PLCD4: variants seen among roughly 807,000 people sequenced by gnomAD.
The protein encoded by PLCD4 is phospholipase C delta 4, also known as 1-phosphatidylinositol 4,5-bisphosphate phosphodiesterase delta-4.
In PLCD4, 63 loss-of-function variants were observed where a neutral mutation model predicts 90.2. That is an observed-to-expected ratio of 0.70 (90% CI 0.57 to 0.86). The LOEUF (loss-of-function observed/expected upper bound fraction) is 0.86, where lower values mean the gene tolerates loss of function less well. Among genes scored for constraint, PLCD4 ranks in the 40% least tolerant of loss-of-function variants. PLCD4 has a pLI of 0.00. For missense variants in PLCD4, 830 were observed against 956.3 expected (o/e 0.87, Z 1.74); for synonymous variants, 294 against 356.5 (o/e 0.82, Z 1.97).
At chr2:218,621,262 G>A (rs563543989) in intron 4 of PLCD4, among the ~76,000 whole-genome samples, 6 of 152,310 alleles carry the variant, frequency 3.9e-5, no homozygotes, top group African/African-American at 1.4e-4. Flanking sequence ...CAGGCAACAG[G>A]GAGGTCCCTG....
At chr2:218,620,148 G>GA in intron 4 of PLCD4, among the ~76,000 whole-genome samples, 1 of 152,286 alleles carries the variant, frequency 6.6e-6, no homozygotes, top group Non-Finnish European at 1.5e-5. Flanking sequence ...CAAAAGTGCT[G>GA]GGATTAGAGG....
At position 218,634,095 on chromosome 2, in the gene PLCD4, C is replaced by G; in HGVS notation, c.1607-10C>G. The G allele has an allele frequency of 6.2e-7, 1 of 1,602,182 alleles. No homozygotes were observed. The highest frequency in any genetic ancestry group is 8.5e-7 in the Non-Finnish European group (1 of 1,174,360). On this transcript the variant is annotated splice_polypyrimidine_tract_variant and intron_variant, in intron 11 of 15. Coordinates refer to ENST00000450993, the MANE Select transcript of PLCD4 (RefSeq NM_032726.4). The surrounding 1 kb of genome is among the most constrained non-coding windows in gnomAD (Gnocchi z 4.0). Reference sequence around the variant, plus strand: ...CCCACTTCCATCTCCCTCTCTATACCCTTTTACAGGCAATGAGTTTGTGCA... The same window carrying G: ...CCCACTTCCATCTCCCTCTCTATACGCTTTTACAGGCAATGAGTTTGTGCA...
At chr2:218,621,656 A>C in intron 5 of PLCD4, 57 bp downstream of exon 5, 1 of 1,605,746 alleles carries the variant, frequency 6.2e-7, no homozygotes, top group Non-Finnish European at 8.5e-7. Context: ...TCATTTGGCC[A>C]GAAGTCCTCT....
At chr2:218,610,417 A>C (rs1345120388) in intron 1 of PLCD4, among the ~76,000 whole-genome samples, 1 of 152,074 alleles carries the variant, frequency 6.6e-6, no homozygotes, top group Non-Finnish European at 1.5e-5. Context: ...CTGAGGCAGG[A>C]GAATCACTTG....
At chr2:218,616,341 G>A (rs374459954) in intron 3 of PLCD4, among the ~76,000 whole-genome samples, 1 of 152,184 alleles carries the variant, frequency 6.6e-6, no homozygotes, top group East Asian at 1.9e-4. Context: ...ATAAGACCAT[G>A]ATCTTGGGCA....
At chr2:218,630,596 T>C (rs1696318320) in intron 8 of PLCD4, 54 bp from the exon 9 acceptor site, 1 of 1,608,380 alleles carries the variant, frequency 6.2e-7, no homozygotes, top group Non-Finnish European at 8.5e-7. Flanking sequence ...CTTGAAGAAG[T>C]AGGTTGCAGT....
At chr2:218,633,818 AT>A (rs1308216357) in intron 11 of PLCD4, 57 bp downstream of exon 11, 1 of 1,585,010 alleles carries the variant, frequency 6.3e-7, no homozygotes, top group Non-Finnish European at 8.6e-7. Context: ...TTCAGGCCTG[AT>A]GGACTGGCAG....
chr2:218,635,539 A>T (rs1358853155), intron 13 of PLCD4, among the ~76,000 whole-genome samples: 1 of 152,026 alleles, frequency 6.6e-6, no homozygotes, highest in East Asian at 1.9e-4. Context: ...GGGTTTCACC[A>T]TGTTGGCCAG....
chr2:218,610,277 C>T (rs61041272), intron 1 of PLCD4, among the ~76,000 whole-genome samples: 22 of 152,002 alleles, frequency 1.4e-4, no homozygotes, highest in African/African-American at 4.6e-4. Context: ...GAGGCTGAGG[C>T]GGGTGGATCA....
intron 11 of PLCD4, 158 bp downstream of exon 11, chr2:218,633,919 A>G: frequency 8.3e-7 from 1 of 1,200,092 alleles, no homozygotes; most frequent in Non-Finnish European, 1.2e-6. Flanking sequence ...GGAGTTATGA[A>G]TAGTGGCTCA....
chr2:218,617,745 G>T (rs547937552), intron 3 of PLCD4, among the ~76,000 whole-genome samples: 20 of 152,258 alleles, frequency 1.3e-4, no homozygotes, highest in African/African-American at 4.6e-4. Flanking sequence ...GAGGGTGAAA[G>T]AATTTCTCTG....
intron 6 of PLCD4, among the ~76,000 whole-genome samples, chr2:218,627,097 CA>C (rs1474604439): frequency 6.7e-6 from 1 of 148,588 alleles, no homozygotes; most frequent in East Asian, 2.0e-4. Flanking sequence ...ACTAAAAATA[CA>C]AAGAAAAAAA....
At chr2:218,615,627 C>A in intron 1 of PLCD4, 80 bp from the exon 2 acceptor site, 1 of 1,272,952 alleles carries the variant, frequency 7.9e-7, no homozygotes, top group Non-Finnish European at 1.1e-6. Context: ...AGTCACTAAA[C>A]TCAAAATTAG....
rs771868964 is a variant in PLCD4 at position 218,628,217 on chromosome 2, G to C, written c.961G>C (p.Glu321Gln). The C allele has an allele frequency of 6.2e-7, 1 of 1,613,784 alleles. No homozygotes were observed. Among genetic ancestry groups the C allele is most frequent in the Non-Finnish European group, 8.5e-7 (1 of 1,179,848 alleles). ...CCAGCTTTGTGGCCAGAGCAGCGTC[G>C]AGGGATATATACGGTGCAGTGGTGG... ...GDQLCGQSSV[E>Q]GYIRALKRGC... The change falls in exon 7 of 16, where the codon GAG becomes CAG. Residue 321 changes from glutamate to glutamine, a missense_variant. Glu to Gln is a conservative substitution (Grantham distance 29). Coordinates refer to ENST00000450993, the MANE Select transcript of PLCD4 (RefSeq NM_032726.4).
chr2:218,611,704 T>G (rs1486532468), intron 1 of PLCD4, among the ~76,000 whole-genome samples: 1 of 152,154 alleles, frequency 6.6e-6, no homozygotes, highest in Non-Finnish European at 1.5e-5. Flanking sequence ...TTTCAAGTGA[T>G]TCTCCTGCCT....
At chr2:218,610,114 T>C (rs1695264358) in intron 1 of PLCD4, among the ~76,000 whole-genome samples, 1 of 151,784 alleles carries the variant, frequency 6.6e-6, no homozygotes, top group Non-Finnish European at 1.5e-5. Context: ...CCCATCTCCA[T>C]ACAAAACAAA....
chr2:218,618,089 AAAACAAAC>A (rs61169386), intron 3 of PLCD4, among the ~76,000 whole-genome samples: 118 of 151,242 alleles, frequency 7.8e-4, no homozygotes, highest in East Asian at 1.7e-3. Flanking sequence ...TCCATGTCAA[AAAACAAAC>A]AAACAAACAA....
intron 2 of PLCD4, 21 bp downstream of exon 2, chr2:218,615,782 A>C: frequency 6.2e-7 from 1 of 1,604,050 alleles, no homozygotes; most frequent in Non-Finnish European, 8.5e-7. Flanking sequence ...GGGCCCCTGC[A>C]GGGGAAGAGG....
intron 7 of PLCD4, chr2:218,629,094 T>C (rs1696241592): frequency 6.4e-6 from 1 of 155,850 alleles, no homozygotes; most frequent in Non-Finnish European, 1.4e-5. Flanking sequence ...TGTGTGCTTT[T>C]AGTACCAGCT....
Sources: gnomAD v4.1 joint callset for allele counts (sites outside exome capture counted in the v4.1 genomes callset) on GRCh38, gnomAD v4.1.1 for gene constraint, Gnocchi (gnomAD v3.1) non-coding constraint, MANE v1.5 for transcripts, NCBI Gene and HGNC (gene_info 2026-07-23, HGNC 2026-07-21) for gene names.